Variants in DCC observed in about 807,000 individuals in gnomAD.
DCC encodes the protein DCC netrin 1 receptor.
Under a neutral mutation model 172.5 loss-of-function variants are expected in DCC, and 58 were observed. The ratio of observed to expected loss-of-function variants is 0.34; its 90% confidence interval spans 0.27 to 0.42. DCC has a LOEUF of 0.42. DCC is among the 10% of genes least tolerant of loss of function. The pLI is 1.00. For synonymous variants in DCC, 709 were observed against 644.5 expected, an observed-to-expected ratio of 1.10 and a Z score of -1.52; for missense variants, 1,740 against 1,791.0, an observed-to-expected ratio of 0.97 and a Z score of 0.51.
chr18:52,798,682 A>G (rs1199539718), intron 2 of DCC, among the ~76,000 whole-genome samples: 3 of 152,210 alleles, frequency 2.0e-5, no homozygotes, highest in Non-Finnish European at 4.4e-5. Flanking sequence ...AGGAAAAACA[A>G]TAAGGCAAAG....
At position 53,302,084 on chromosome 18, in the gene DCC, C is replaced by T. The variant is rs2057148371; in HGVS notation, c.1912-3494C>T. On this transcript the variant is annotated intron_variant, in intron 12 of 28. Transcript: ENST00000442544. ...TCACGTGGTTTTTCTCTGTGCATAT[C>T]TGTGTCCTTATTTTCTTTTAGAGAC... Among the ~76,000 whole-genome samples, 3 of 152,166 alleles carry T rather than the reference C, an allele frequency of 2.0e-5. No individual in the cohort carries two copies. In the South Asian group the frequency reaches 6.2e-4, roughly 32 times the overall value.
At position 52,546,900 on chromosome 18, in the gene DCC, C is replaced by T. The variant is rs11876797; in HGVS notation, c.92-205154C>T. 5.7e-3 allele frequency among the ~76,000 whole-genome samples: 866 copies of T among 152,072 alleles called. 8 individuals are homozygous for T. The highest frequency in any genetic ancestry group is 0.02 in the African/African-American group (837 of 41,470). On this transcript the variant is annotated intron_variant, in intron 1 of 28. Transcript: ENST00000442544. ...AAAATTGCTTCTACCAAATTGTGCA[C>T]GATGGATCCAATTTAGAAGTCTGTC...
At chr18:52,363,055 C>T (rs950633843) in intron 1 of DCC, among the ~76,000 whole-genome samples, 15 of 152,094 alleles carry the variant, frequency 9.9e-5, no homozygotes, top group Non-Finnish European at 1.6e-4. Flanking sequence ...TGTGCCAACA[C>T]GTAGTAGAGA....
At chr18:52,710,088 T>C (rs2036270918) in intron 1 of DCC, among the ~76,000 whole-genome samples, 1 of 152,234 alleles carries the variant, frequency 6.6e-6, no homozygotes, top group African/African-American at 2.4e-5. Context: ...CTTGATCCAG[T>C]GTTTCTCTAA....
rs143745519 is a variant in DCC, at chr18:53,500,401, C to G, written c.4111+891C>G. Among the ~76,000 whole-genome samples the G allele has an allele frequency of 5.9e-5, 9 of 152,116 alleles. No individual in the cohort carries two copies. In the East Asian group the frequency reaches 1.7e-3, roughly 29 times the overall value. ...AGTAAATTTCAGTAATCTGAGATGG[C>G]CTCCTTGATGAGCATAGGCAGCTGA... On this transcript the variant is annotated intron_variant, in intron 27 of 28. Coordinates refer to ENST00000442544, the MANE Select transcript of DCC (RefSeq NM_005215.4).
At chr18:53,486,323 T>TTC (rs1156412683) in intron 25 of DCC, among the ~76,000 whole-genome samples, 1 of 151,946 alleles carries the variant, frequency 6.6e-6, no homozygotes, top group African/African-American at 2.4e-5. Context: ...AACACTTTGC[T>TTC]TCTCTCTCTC....
At chr18:53,387,646 T>G (rs1029955233) in intron 16 of DCC, among the ~76,000 whole-genome samples, 3 of 152,332 alleles carry the variant, frequency 2.0e-5, no homozygotes, top group South Asian at 2.1e-4. Flanking sequence ...CTTTATTCCC[T>G]TGCTCTGCTA....
At chr18:52,527,307 CAT>C (rs1431358874) in intron 1 of DCC, among the ~76,000 whole-genome samples, 3 of 152,166 alleles carry the variant, frequency 2.0e-5, no homozygotes, top group Non-Finnish European at 4.4e-5. Flanking sequence ...AAGAAACAAA[CAT>C]AGCCTTTTTT....
intron 28 of DCC, chr18:53,530,229 G>A: frequency 3.0e-6 from 2 of 656,800 alleles, no homozygotes; most frequent in Non-Finnish European, 5.5e-6. Flanking sequence ...TTTTATAGAT[G>A]AAGAAAATTA....
intron 1 of DCC, among the ~76,000 whole-genome samples, chr18:52,721,960 G>GT (rs1196709906): frequency 6.6e-6 from 1 of 152,148 alleles, no homozygotes; most frequent in East Asian, 1.9e-4. Context: ...GGAGGTGGAG[G>GT]TTGCAGTGAG....
chr18:53,190,840 G>T (rs892009013), intron 9 of DCC, among the ~76,000 whole-genome samples: 1 of 152,104 alleles, frequency 6.6e-6, no homozygotes. Context: ...CGGCTACTGG[G>T]GAGGCCAAGG....
chr18:52,878,751 G>T (rs1348190818), intron 2 of DCC, among the ~76,000 whole-genome samples: 1 of 152,172 alleles, frequency 6.6e-6, no homozygotes, highest in African/African-American at 2.4e-5. Context: ...GACTGGAGTA[G>T]TTTCTGGCAC....
At chr18:53,249,825 G>A (rs1003244866) in intron 12 of DCC, among the ~76,000 whole-genome samples, 3 of 151,882 alleles carry the variant, frequency 2.0e-5, no homozygotes, top group Admixed American at 2.0e-4. Flanking sequence ...AAAGTTAATG[G>A]CATCATGATT....
intron 7 of DCC, among the ~76,000 whole-genome samples, chr18:53,131,845 C>A (rs374911226): frequency 2.0e-5 from 3 of 150,992 alleles, no homozygotes; most frequent in Admixed American, 2.0e-4. Context: ...CAGCAAAGGC[C>A]GAATTTGTCT....
At chr18:53,378,721 C>T (rs966822518) in intron 15 of DCC, among the ~76,000 whole-genome samples, 5 of 152,118 alleles carry the variant, frequency 3.3e-5, no homozygotes, top group African/African-American at 9.7e-5. Context: ...GATTTTCTTC[C>T]CGGTAATACA....
intron 3 of DCC, among the ~76,000 whole-genome samples, chr18:52,914,851 A>G (rs1333926357): frequency 1.3e-5 from 2 of 152,128 alleles, no homozygotes; most frequent in African/African-American, 2.4e-5. Flanking sequence ...CTGAAGTTAA[A>G]TTAATTTGTA....
At chr18:52,851,757 C>T (rs549709625) in intron 2 of DCC, among the ~76,000 whole-genome samples, 1 of 152,134 alleles carries the variant, frequency 6.6e-6, no homozygotes, top group Non-Finnish European at 1.5e-5. Flanking sequence ...TATTGAGCAC[C>T]TTTTCCATGC....
intron 3 of DCC, among the ~76,000 whole-genome samples, chr18:52,919,681 T>C (rs1379095731): frequency 1.3e-5 from 2 of 151,934 alleles, no homozygotes; most frequent in Non-Finnish European, 2.9e-5. Flanking sequence ...GGACCACTGA[T>C]ATTTTAAAAC....
intron 1 of DCC, among the ~76,000 whole-genome samples, chr18:52,376,968 C>T (rs1010676708): frequency 5.9e-5 from 9 of 152,166 alleles, no homozygotes. Context: ...GACCTTCCAG[C>T]AGCGGCTACA....
Sources: allele counts gnomAD v4.1 joint callset (sites outside exome capture counted in the v4.1 genomes callset), GRCh38; gene constraint gnomAD v4.1.1; transcripts MANE v1.5; gene names NCBI Gene and HGNC (gene_info 2026-07-23, HGNC 2026-07-21).